TXK: variants seen among roughly 807,000 people sequenced by gnomAD.
TXK encodes the protein tyrosine-protein kinase TXK.
In TXK, 60 loss-of-function variants were observed where a neutral mutation model predicts 81.0. That is an observed-to-expected ratio of 0.74 (90% CI 0.60 to 0.92). The LOEUF is 0.92. Ranked by LOEUF, TXK falls within the 40% of genes least tolerant of loss-of-function variation. The pLI, the probability that TXK is intolerant of heterozygous loss-of-function variation, is 0.00. For synonymous variants in TXK, 203 were observed against 210.7 expected, an observed-to-expected ratio of 0.96 and a Z score of 0.32; for missense variants, 581 against 638.3, an observed-to-expected ratio of 0.91 and a Z score of 0.97.
At position 48,067,130 on chromosome 4, in the gene TXK, A is replaced by G. The variant is rs1716635291; in HGVS notation, c.*507T>C. ...AGACATTTCCAGAATACTAACATTC[A>G]TGTGATTTATAAAGGTGCATTTTCT... is the stretch of plus-strand genomic sequence containing the variant. On this transcript the variant is annotated 3_prime_UTR_variant, in exon 15 of 15. Coordinates refer to ENST00000264316, the MANE Select transcript of TXK (RefSeq NM_003328.3). The G allele has an allele frequency of 6.6e-6, 1 of 152,588 alleles. No homozygotes were observed. The highest frequency in any genetic ancestry group is 2.1e-4 in the South Asian group (1 of 4,852). The allele number at this position is 152,588 out of a possible 1,614,324, so 9.5% of individuals were successfully genotyped here.
chr4:48,114,288 A>G, intron 2 of TXK, 60 bp downstream of exon 2: 1 of 1,549,452 alleles, frequency 6.5e-7, no homozygotes, highest in Non-Finnish European at 8.9e-7. Flanking sequence ...GTGACTCCAC[A>G]GGTAATAAAG....
At chr4:48,115,322 T>C (rs923582810) in intron 1 of TXK, among the ~76,000 whole-genome samples, 1 of 152,158 alleles carries the variant, frequency 6.6e-6, no homozygotes, top group Non-Finnish European at 1.5e-5. Flanking sequence ...GTTCCTGTGT[T>C]AGTTTGCTGA....
chr4:48,083,086 G>A (rs1402833810), intron 10 of TXK, among the ~76,000 whole-genome samples: 1 of 152,254 alleles, frequency 6.6e-6, no homozygotes, highest in Non-Finnish European at 1.5e-5. Context: ...GGTTCACTGA[G>A]CTGGTTAACC....
chr4:48,073,868 G>A, intron 13 of TXK, 67 bp downstream of exon 13: 3 of 1,083,938 alleles, frequency 2.8e-6, no homozygotes, highest in Non-Finnish European at 4.1e-6. Context: ...GGAAATCAAA[G>A]TTAAAAATAA....
chr4:48,107,569 C>G (rs1190472783), intron 5 of TXK, among the ~76,000 whole-genome samples: 1 of 151,826 alleles, frequency 6.6e-6, no homozygotes, highest in Non-Finnish European at 1.5e-5. Flanking sequence ...ATTTTAAGTT[C>G]CGGGGTACAT....
At chr4:48,095,361 G>C (rs899407495) in intron 6 of TXK, 139 bp from the exon 7 acceptor site, 1 of 620,914 alleles carries the variant, frequency 1.6e-6, no homozygotes. Context: ...GAATTAGATT[G>C]TCTTTACAAG....
intron 11 of TXK, among the ~76,000 whole-genome samples, chr4:48,077,742 A>C (rs1213936775): frequency 6.6e-6 from 1 of 151,996 alleles, no homozygotes; most frequent in East Asian, 1.9e-4. Flanking sequence ...TTAATGATCT[A>C]TCTCTGTAAT....
At chr4:48,074,755 A>C (rs1237719154) in intron 12 of TXK, among the ~76,000 whole-genome samples, 4 of 152,208 alleles carry the variant, frequency 2.6e-5, no homozygotes, top group African/African-American at 9.7e-5. Flanking sequence ...GTGTTTTCAC[A>C]GCATTTATTA....
At chr4:48,074,739 A>G (rs569032126) in intron 12 of TXK, among the ~76,000 whole-genome samples, 2 of 152,258 alleles carry the variant, frequency 1.3e-5, no homozygotes, top group Non-Finnish European at 2.9e-5. Flanking sequence ...TTAAATATAC[A>G]ATATAGTGTT....
At chr4:48,089,677 C>A (rs964573950) in intron 9 of TXK, 73 bp downstream of exon 9, 12 of 1,274,376 alleles carry the variant, frequency 9.4e-6, no homozygotes, top group African/African-American at 1.5e-5. Flanking sequence ...CAGCTGTGAG[C>A]CACCGCACCC....
chr4:48,078,781 T>C (rs1352524404), intron 11 of TXK, among the ~76,000 whole-genome samples: 1 of 152,266 alleles, frequency 6.6e-6, no homozygotes, highest in East Asian at 1.9e-4. Flanking sequence ...GGAGCAGTTA[T>C]GCCCCTAGGT....
intron 11 of TXK, among the ~76,000 whole-genome samples, 184 bp from the exon 12 acceptor site, chr4:48,076,650 A>G (rs541259003): frequency 3.3e-5 from 5 of 151,820 alleles, no homozygotes; most frequent in Non-Finnish European, 7.4e-5. Context: ...TTTTTTTGAG[A>G]CAGGATCTGG....
At chr4:48,069,547 C>T (rs913948376) in intron 14 of TXK, among the ~76,000 whole-genome samples, 4 of 151,922 alleles carry the variant, frequency 2.6e-5, no homozygotes, top group Non-Finnish European at 5.9e-5. Flanking sequence ...AGGCTGGTCT[C>T]GAACTCCCAG....
intron 12 of TXK, among the ~76,000 whole-genome samples, chr4:48,075,816 T>C (rs1185306987): frequency 6.6e-6 from 1 of 152,074 alleles, no homozygotes; most frequent in South Asian, 2.1e-4. Context: ...CTACCAGTAC[T>C]ATAGCCCCAC....
intron 6 of TXK, among the ~76,000 whole-genome samples, chr4:48,097,627 A>G (rs2456927): frequency 0.75 from 113,902 of 151,610 alleles, 42,901 homozygotes; most frequent in East Asian, 0.81. Context: ...TAGTAGAGGC[A>G]GGGTTTCATC....
chr4:48,079,779 C>T (rs962385408), intron 11 of TXK, 133 bp downstream of exon 11: 5 of 741,146 alleles, frequency 6.7e-6, no homozygotes, highest in African/African-American at 1.8e-5. Flanking sequence ...CATTTTACAA[C>T]AAATTGCATG....
At chr4:48,112,181 C>T in intron 4 of TXK, 126 bp downstream of exon 4, 2 of 876,312 alleles carry the variant, frequency 2.3e-6, no homozygotes, top group Non-Finnish European at 3.6e-6. Context: ...CATTCTCTCA[C>T]ACATCCTGGG....
At chr4:48,067,968 T>C (rs1247766926) in intron 14 of TXK, among the ~76,000 whole-genome samples, 4 of 152,168 alleles carry the variant, frequency 2.6e-5, no homozygotes, top group Non-Finnish European at 5.9e-5. Context: ...AAGAGAAAGA[T>C]ATCTTGACTG....
intron 10 of TXK, among the ~76,000 whole-genome samples, chr4:48,084,256 GT>G (rs1355881521): frequency 1.3e-5 from 2 of 150,788 alleles, no homozygotes; most frequent in East Asian, 1.9e-4. Context: ...TGCCTGGCTA[GT>G]TTTTTTGTTT....
Sources: gnomAD v4.1 joint callset for allele counts (sites outside exome capture counted in the v4.1 genomes callset) on GRCh38, gnomAD v4.1.1 for gene constraint, MANE v1.5 for transcripts, NCBI Gene and HGNC (gene_info 2026-07-23, HGNC 2026-07-21) for gene names.